Variants in SKAP1 observed in about 807,000 individuals in gnomAD.
SKAP1 encodes src kinase associated phosphoprotein 1.
In SKAP1, 44 loss-of-function variants were observed where a neutral mutation model predicts 58.5. The ratio of observed to expected loss-of-function variants is 0.75; its 90% CI spans 0.59 to 0.97. The LOEUF (loss-of-function observed/expected upper bound fraction) is 0.97. Ranked by LOEUF, SKAP1 falls within the 50% of genes least tolerant of loss-of-function variation. The pLI, the probability that SKAP1 is intolerant of heterozygous loss-of-function variation, is 0.00. For synonymous variants in SKAP1, 127 were observed against 149.7 expected (o/e 0.85, Z 1.11); for missense variants, 390 against 435.2 (o/e 0.90, Z 0.92).
chr17:48,280,258 C>T (rs1319886002), intron 4 of SKAP1, among the ~76,000 whole-genome samples: 1 of 152,072 alleles, frequency 6.6e-6, no homozygotes, highest in Non-Finnish European at 1.5e-5. Context: ...CACCTGAGGT[C>T]AGGAGTTTGA....
chr17:48,292,132 C>CAAA (rs67360130), intron 4 of SKAP1, among the ~76,000 whole-genome samples: 3,778 of 121,478 alleles, frequency 0.031, 143 homozygotes, highest in African/African-American at 0.091. Flanking sequence ...TTAGCCTATT[C>CAAA]AAAAAAAAAA....
intron 2 of SKAP1, among the ~76,000 whole-genome samples, chr17:48,367,846 T>C (rs1306875210): frequency 6.6e-6 from 1 of 151,280 alleles, no homozygotes; most frequent in Non-Finnish European, 1.5e-5. Context: ...ACCCAGGATG[T>C]TGAGGTTGCA....
At chr17:48,315,432 G>T (rs1353025871) in intron 4 of SKAP1, among the ~76,000 whole-genome samples, 2 of 151,992 alleles carry the variant, frequency 1.3e-5, no homozygotes, top group Non-Finnish European at 2.9e-5. Flanking sequence ...AGAATAACAG[G>T]ACAAAAATAA....
intron 4 of SKAP1, among the ~76,000 whole-genome samples, chr17:48,332,562 G>A (rs2066519960): frequency 6.6e-6 from 1 of 152,096 alleles, no homozygotes; most frequent in Admixed American, 6.5e-5. Context: ...CTGCAAACCT[G>A]CTGCATCTGC....
chr17:48,345,948 G>A lies in SKAP1; in HGVS notation c.237C>T (p.Ser79=). 6.2e-7 allele frequency: 1 copy of A among 1,613,662 alleles called. No homozygotes were observed. Among genetic ancestry groups the A allele is most frequent in the Non-Finnish European group, 8.5e-7 (1 of 1,179,784 alleles). The change falls in exon 4 of 13, where the codon TCC becomes TCT. Residue 79 remains serine, a synonymous_variant. Transcript: ENST00000336915. The part of the protein sequence containing the change: ...DDNHSGTLGL[S]LTSDAPFLSD... Reference sequence around the variant, plus strand: ...ACAAAAAGGGTGCATCGGATGTGAGGGACAGGCCAAGAGTCCCGCTGTGAT... The same window carrying A: ...ACAAAAAGGGTGCATCGGATGTGAGAGACAGGCCAAGAGTCCCGCTGTGAT...
rs370233367 is a variant in SKAP1, at chr17:48,184,704, T to A, written c.567+19A>T. The A allele has an allele frequency of 6.2e-7, 1 of 1,613,814 alleles. No homozygotes were observed. Among genetic ancestry groups the A allele is most frequent in the African/African-American group, 1.3e-5 (1 of 75,030 alleles). On this transcript the variant is annotated intron_variant, in intron 7 of 12. Coordinates refer to ENST00000336915, the MANE Select transcript of SKAP1 (RefSeq NM_003726.4). ...ACTGCAACACCAAGAAGGATCACCA[T>A]CTCCTTGATGCGTCCTACCTCATAG...
At chr17:48,203,581 T>G (rs142733151) in intron 4 of SKAP1, 4 of 152,122 alleles carry the variant, frequency 2.6e-5, no homozygotes, top group African/African-American at 9.7e-5. Flanking sequence ...ACTGAATAAT[T>G]TTTCCCTTGT....
chr17:48,196,664 G>C (rs1416509054), intron 4 of SKAP1: 1 of 152,172 alleles, frequency 6.6e-6, no homozygotes, highest in Non-Finnish European at 1.5e-5. Context: ...TATGTTTTCT[G>C]TTTCTGCGTT....
rs1598646662 is a variant in SKAP1 at position 48,391,220 on chromosome 17, T to TA, written c.152+5459dup. 2.0e-5 allele frequency among the ~76,000 whole-genome samples: 3 copies of TA among 152,318 alleles called. No homozygotes were observed. In the East Asian group the frequency reaches 5.8e-4, roughly 29 times the overall value. On this transcript the variant is annotated intron_variant, in intron 2 of 12. Transcript: ENST00000336915. ...CCAAGGACTATGGTCATTATTACAT[T>TA]AAAAAATGTTATTTAAGAAAAATTG...
At chr17:48,373,976 T>C (rs1359366464) in intron 2 of SKAP1, among the ~76,000 whole-genome samples, 1 of 152,192 alleles carries the variant, frequency 6.6e-6, no homozygotes, top group Non-Finnish European at 1.5e-5. Flanking sequence ...CTTGGTAAAC[T>C]CCTGCTGAAC....
intron 12 of SKAP1, among the ~76,000 whole-genome samples, chr17:48,134,946 C>T (rs1015191233): frequency 5.9e-5 from 9 of 152,028 alleles, no homozygotes; most frequent in Admixed American, 4.6e-4. Flanking sequence ...TCAAGTGATC[C>T]ACCTGCCTTG....
intron 4 of SKAP1, among the ~76,000 whole-genome samples, chr17:48,232,405 C>G (rs1405836122): frequency 6.6e-6 from 1 of 152,190 alleles, no homozygotes; most frequent in East Asian, 1.9e-4. Flanking sequence ...AATGCTCTTG[C>G]TTTACATTTA....
At chr17:48,269,956 T>C (rs1423692007) in intron 4 of SKAP1, among the ~76,000 whole-genome samples, 1 of 151,778 alleles carries the variant, frequency 6.6e-6, no homozygotes, top group African/African-American at 2.4e-5. Context: ...CTACTAAAAA[T>C]ACAAGATTAG....
At chr17:48,171,090 G>GTTGTTT (rs2064206218) in intron 9 of SKAP1, among the ~76,000 whole-genome samples, 2 of 74,116 alleles carry the variant, frequency 2.7e-5, no homozygotes, top group South Asian at 5.7e-4. Flanking sequence ...TTTAATTACT[G>GTTGTTT]TTGTTTTTTT....
chr17:48,392,899 C>T (rs1177712237), intron 2 of SKAP1, among the ~76,000 whole-genome samples: 1 of 151,566 alleles, frequency 6.6e-6, no homozygotes, highest in African/African-American at 2.4e-5. Context: ...TTTACCCCTC[C>T]CCCACTCTCA....
intron 4 of SKAP1, chr17:48,204,077 ATTTTTTTCTTT>A (rs1230869288): frequency 6.8e-6 from 1 of 147,388 alleles, no homozygotes; most frequent in Non-Finnish European, 1.5e-5. Context: ...ATAAACTCAG[ATTTTTTTCTTT>A]TTTTTTTTTT....
chr17:48,353,897 C>CAAAAAAAAAA (rs200738005), intron 3 of SKAP1, among the ~76,000 whole-genome samples: 1 of 60,804 alleles, frequency 1.6e-5, no homozygotes, highest in Non-Finnish European at 3.2e-5. Context: ...GACTCTGTCT[C>CAAAAAAAAAA]AAAAAAAAAA....
At chr17:48,243,103 G>A (rs1404796836) in intron 4 of SKAP1, among the ~76,000 whole-genome samples, 2 of 152,062 alleles carry the variant, frequency 1.3e-5, no homozygotes, top group African/African-American at 2.4e-5. Flanking sequence ...AATGTAACTC[G>A]TCACACACTA....
At chr17:48,235,051 A>G (rs913933707) in intron 4 of SKAP1, among the ~76,000 whole-genome samples, 1 of 152,228 alleles carries the variant, frequency 6.6e-6, no homozygotes, top group African/African-American at 2.4e-5. Context: ...GAGCTCAAGA[A>G]ATGTTACGTT....
Sources: gnomAD v4.1 joint callset for allele counts (sites outside exome capture counted in the v4.1 genomes callset) on GRCh38, gnomAD v4.1.1 for gene constraint, MANE v1.5 for transcripts, NCBI Gene and HGNC (gene_info 2026-07-23, HGNC 2026-07-21) for gene names.